The following DLG2 variants were observed in gnomAD, a reference collection of about 807,000 sequenced individuals.
DLG2 encodes the protein disks large homolog 2.
A neutral mutation model predicts 132.5 loss-of-function variants in DLG2; 45 were observed. The ratio of observed to expected loss-of-function variants is 0.34; its 90% CI spans 0.27 to 0.44. The LOEUF is 0.44. DLG2 is among the 20% of genes least tolerant of loss of function. The pLI is 1.00. For synonymous variants in DLG2, 424 were observed against 419.6 expected (o/e 1.01, Z -0.13); for missense variants, 1,045 against 1,196.9 (o/e 0.87, Z 1.87).
At position 85,601,912 on chromosome 11, in the gene DLG2, G is replaced by A. The variant is rs142666308; in HGVS notation, c.-92-3124C>T. Among the ~76,000 whole-genome samples the A allele has an allele frequency of 2.0e-5, 3 of 152,186 alleles. No homozygotes were observed. In the East Asian group the frequency reaches 5.8e-4, roughly 29 times the overall value. ...CTGGATAATCTTACCCAGTTTCCTT[G>A]ATAATCTTATCTAATTCCGTAGTTT... On this transcript the variant is annotated intron_variant, in intron 2 of 27. Coordinates refer to ENST00000376104, the MANE Select transcript of DLG2 (RefSeq NM_001142699.3).
At chr11:83,689,044 C>T (rs1227931660) in intron 18 of DLG2, among the ~76,000 whole-genome samples, 1 of 151,948 alleles carries the variant, frequency 6.6e-6, no homozygotes, top group Non-Finnish European at 1.5e-5. Flanking sequence ...TCCTTAGGCT[C>T]TCAGTCCAGG....
intron 6 of DLG2, among the ~76,000 whole-genome samples, chr11:84,549,842 C>G (rs575559395): frequency 5.5e-4 from 84 of 152,218 alleles, no homozygotes; most frequent in African/African-American, 1.9e-3. Context: ...CAACCTCCGC[C>G]TCCTGGGCTC....
At chr11:84,344,122 C>G (rs1164374553) in intron 7 of DLG2, among the ~76,000 whole-genome samples, 1 of 152,070 alleles carries the variant, frequency 6.6e-6, no homozygotes, top group African/African-American at 2.4e-5. Context: ...AAGACAACAT[C>G]AATATCAGTT....
chr11:83,576,863 A>C (rs75850737), intron 19 of DLG2, among the ~76,000 whole-genome samples: 10,560 of 152,224 alleles, frequency 0.069, 1,261 homozygotes, highest in African/African-American at 0.24. Context: ...AATGGTAACT[A>C]TGTGGATGAA....
At chr11:83,483,320 G>A in intron 22 of DLG2, 1 of 1,604,232 alleles carries the variant, frequency 6.2e-7, no homozygotes, top group Non-Finnish European at 8.5e-7. Flanking sequence ...TCCCCAGAGA[G>A]AGCAATGAGA....
At chr11:84,913,870 T>C (rs1444862590) in intron 6 of DLG2, among the ~76,000 whole-genome samples, 2 of 152,180 alleles carry the variant, frequency 1.3e-5, no homozygotes, top group Non-Finnish European at 2.9e-5. Context: ...AAAAGTGCAG[T>C]TCATAAATTA....
intron 6 of DLG2, among the ~76,000 whole-genome samples, chr11:84,968,476 G>A (rs375329725): frequency 2.9e-4 from 44 of 152,170 alleles, no homozygotes; most frequent in Non-Finnish European, 5.0e-4. Context: ...AAGTCATTAC[G>A]TATCCCTTAG....
chr11:85,387,775 C>A (rs1484821068), intron 3 of DLG2, among the ~76,000 whole-genome samples: 1 of 152,120 alleles, frequency 6.6e-6, no homozygotes, highest in African/African-American at 2.4e-5. Flanking sequence ...GGTATAAAAT[C>A]TTTATCTTTA....
chr11:85,496,407 G>A (rs1347866440), intron 3 of DLG2, among the ~76,000 whole-genome samples: 3 of 152,182 alleles, frequency 2.0e-5, no homozygotes, highest in Non-Finnish European at 4.4e-5. Context: ...ATGTAACAAA[G>A]TGGCAGGGAA....
At chr11:84,912,183 T>A (rs530185822) in intron 6 of DLG2, among the ~76,000 whole-genome samples, 2 of 152,238 alleles carry the variant, frequency 1.3e-5, no homozygotes, top group South Asian at 4.1e-4. Context: ...GGAGTCTCAC[T>A]CTGTCGCCCA....
intron 4 of DLG2, among the ~76,000 whole-genome samples, chr11:85,195,064 T>A (rs1413050511): frequency 1.3e-5 from 2 of 152,174 alleles, no homozygotes; most frequent in African/African-American, 2.4e-5. Context: ...ATTCTCAAGC[T>A]CTGAAGCCCA....
intron 3 of DLG2, among the ~76,000 whole-genome samples, chr11:85,556,455 T>A (rs553124353): frequency 6.6e-6 from 1 of 151,950 alleles, no homozygotes; most frequent in African/African-American, 2.4e-5. Context: ...AAAGGCATTA[T>A]ATCAAACAGA....
At chr11:83,487,826 G>A (rs1317009454) in intron 21 of DLG2, among the ~76,000 whole-genome samples, 2 of 151,972 alleles carry the variant, frequency 1.3e-5, no homozygotes, top group Admixed American at 6.6e-5. Context: ...ATTTAAGTGT[G>A]ACAGGCCATG....
chr11:84,813,346 C>T lies in DLG2; in HGVS notation c.358-278615G>A, dbSNP rs113684506. 1.9e-3 allele frequency among the ~76,000 whole-genome samples: 285 copies of T among 152,016 alleles called. 2 individuals are homozygous for T. The highest frequency in any genetic ancestry group is 6.5e-3 in the African/African-American group (271 of 41,486). ...ATTATAATGAACCTTCATAGCAACC[C>T]CTTGAGAAATGGCAGCAACTCTGAA... On this transcript the variant is annotated intron_variant, in intron 6 of 27. Coordinates refer to ENST00000376104, the MANE Select transcript of DLG2 (RefSeq NM_001142699.3).
At chr11:84,360,747 T>C (rs2098645176) in intron 7 of DLG2, among the ~76,000 whole-genome samples, 1 of 151,818 alleles carries the variant, frequency 6.6e-6, no homozygotes, top group Admixed American at 6.6e-5. Context: ...CAAGTGTGGA[T>C]TATGTAATCA....
At chr11:85,486,396 C>T (rs765244604) in intron 3 of DLG2, among the ~76,000 whole-genome samples, 1 of 152,346 alleles carries the variant, frequency 6.6e-6, no homozygotes, top group South Asian at 2.1e-4. Flanking sequence ...CACCAGTACA[C>T]TGGAAATCAC....
chr11:84,532,117 A>ATTT (rs67139617), intron 7 of DLG2, among the ~76,000 whole-genome samples: 10,010 of 104,514 alleles, frequency 0.096, 714 homozygotes, highest in Non-Finnish European at 0.11. Flanking sequence ...TGTTCTGTTC[A>ATTT]TTTTTTTTTT....
At chr11:84,862,819 G>A (rs1438740756) in intron 6 of DLG2, among the ~76,000 whole-genome samples, 1 of 82,724 alleles carries the variant, frequency 1.2e-5, no homozygotes, top group African/African-American at 5.7e-5. Flanking sequence ...GGTCCTGTCG[G>A]GGGGGGGGGG....
At chr11:83,520,606 G>C (rs1565614544) in intron 21 of DLG2, among the ~76,000 whole-genome samples, 2 of 151,794 alleles carry the variant, frequency 1.3e-5, no homozygotes, top group Non-Finnish European at 2.9e-5. Context: ...TAGATAGAAA[G>C]ACAGACAGAC....
Sources: allele counts gnomAD v4.1 joint callset (sites outside exome capture counted in the v4.1 genomes callset), GRCh38; gene constraint gnomAD v4.1.1; transcripts MANE v1.5; gene names NCBI Gene and HGNC (gene_info 2026-07-23, HGNC 2026-07-21).